Variants in BBS9 observed in about 807,000 individuals in gnomAD.
The protein encoded by BBS9 is protein PTHB1.
A neutral mutation model predicts 117.7 loss-of-function variants in BBS9; 89 were observed. The ratio of observed to expected loss-of-function variants is 0.76; its 90% confidence interval spans 0.64 to 0.90. The LOEUF (loss-of-function observed/expected upper bound fraction) is 0.90. Ranked by LOEUF, BBS9 falls within the 40% of genes least tolerant of loss-of-function variation. BBS9 has a pLI of 0.00. For missense variants in BBS9, 982 were observed against 1,042.2 expected (o/e 0.94, Z 0.80); for synonymous variants, 379 against 370.9 (o/e 1.02, Z -0.25).
intron 5 of BBS9, among the ~76,000 whole-genome samples, chr7:33,247,023 A>C (rs368538800): frequency 6.6e-6 from 1 of 152,134 alleles, no homozygotes; most frequent in East Asian, 1.9e-4. Flanking sequence ...TATTTTTTAA[A>C]GTCTTAAAAC....
chr7:33,173,642 A>G (rs556817347), intron 4 of BBS9, among the ~76,000 whole-genome samples: 4 of 152,088 alleles, frequency 2.6e-5, no homozygotes, highest in Non-Finnish European at 4.4e-5. Flanking sequence ...AGATGAGACT[A>G]TTTGGGGAGC....
At chr7:33,367,964 T>C (rs905949220) in intron 17 of BBS9, 102 bp downstream of exon 17, 1 of 941,372 alleles carries the variant, frequency 1.1e-6, no homozygotes, top group African/African-American at 1.6e-5. Flanking sequence ...GTGATGTTCA[T>C]TTAGATTTCA....
At chr7:33,248,091 A>G (rs1236783642) in intron 5 of BBS9, among the ~76,000 whole-genome samples, 3 of 152,216 alleles carry the variant, frequency 2.0e-5, no homozygotes, top group African/African-American at 7.2e-5. Context: ...TCATAGGAGA[A>G]GTTAATATGT....
At chr7:33,322,268 G>GT (rs1562994270) in intron 9 of BBS9, among the ~76,000 whole-genome samples, 1 of 144,106 alleles carries the variant, frequency 6.9e-6, no homozygotes, top group African/African-American at 2.5e-5. Flanking sequence ...CTCCCTCTCT[G>GT]TTTTTTTGTA....
intron 19 of BBS9, among the ~76,000 whole-genome samples, chr7:33,460,591 T>C (rs1839322632): frequency 6.6e-6 from 1 of 152,028 alleles, no homozygotes; most frequent in African/African-American, 2.4e-5. Flanking sequence ...TTCAAGGTAT[T>C]CTTAATTTTT....
intron 14 of BBS9, 33 bp from the exon 15 acceptor site, chr7:33,352,826 C>A (rs758069038): frequency 6.2e-7 from 1 of 1,609,494 alleles, no homozygotes; most frequent in South Asian, 1.1e-5. Context: ...TTCTTTTCCC[C>A]CTACCCATTT....
At chr7:33,565,789 A>G (rs1222128908) in intron 21 of BBS9, among the ~76,000 whole-genome samples, 370 of 30,356 alleles carry the variant, frequency 0.012, 5 homozygotes, top group African/African-American at 0.079. Context: ...TAGTATATAT[A>G]TATATATATA....
Position 33,490,620 on chromosome 7 carries a change from T to A in BBS9, c.2116-14843T>A, listed in dbSNP as rs185871960. ...CAGTTGCTCATTGAGCCAAATTTCT[T>A]CCTCCATTAAGGTTCATGCAGCACC... is the stretch of plus-strand genomic sequence containing the variant. On this transcript the variant is annotated intron_variant, in intron 19 of 22. Transcript: ENST00000242067. Among the ~76,000 whole-genome samples, 380 of 152,320 alleles carry A rather than the reference T, an allele frequency of 2.5e-3. 5 individuals are homozygous for A. The South Asian group carries it at 0.035, about 14-fold the overall frequency.
chr7:33,467,406 C>A (rs1004244423), intron 19 of BBS9, among the ~76,000 whole-genome samples: 2 of 152,082 alleles, frequency 1.3e-5, no homozygotes, highest in African/African-American at 4.8e-5. Context: ...TGAGGCTAGA[C>A]AAGATTTAAC....
chr7:33,506,658 AC>A (rs555167407), intron 20 of BBS9, among the ~76,000 whole-genome samples: 44 of 152,228 alleles, frequency 2.9e-4, no homozygotes, highest in Admixed American at 5.9e-4. Context: ...AATTTTGAAA[AC>A]CACAGTTTTA....
intron 9 of BBS9, among the ~76,000 whole-genome samples, chr7:33,294,568 C>A (rs1804874799): frequency 6.6e-6 from 1 of 152,126 alleles, no homozygotes. Flanking sequence ...AATGTAGTGA[C>A]CCTTTTAGCT....
intron 21 of BBS9, among the ~76,000 whole-genome samples, chr7:33,574,238 T>G (rs1858333803): frequency 6.6e-6 from 1 of 152,294 alleles, no homozygotes; most frequent in East Asian, 1.9e-4. Flanking sequence ...TAACTTATTT[T>G]GATTTTAACT....
chr7:33,323,293 T>C (rs893775537), intron 9 of BBS9, among the ~76,000 whole-genome samples: 11 of 152,282 alleles, frequency 7.2e-5, no homozygotes, highest in Non-Finnish European at 1.5e-4. Flanking sequence ...TTGTTTATTT[T>C]GTGTCTGAAA....
At chr7:33,470,437 T>G (rs6972316) in intron 19 of BBS9, among the ~76,000 whole-genome samples, 117,764 of 151,512 alleles carry the variant, frequency 0.78, 46,587 homozygotes, top group African/African-American at 0.93. Flanking sequence ...CTCTCCCTAA[T>G]CTTCTAACGT....
intron 9 of BBS9, among the ~76,000 whole-genome samples, chr7:33,301,036 A>G (rs1048674440): frequency 6.6e-6 from 1 of 152,070 alleles, no homozygotes; most frequent in East Asian, 1.9e-4. Context: ...GAAGTTAGCT[A>G]TATTATTATA....
At position 33,605,457 on chromosome 7, in the gene BBS9, G is replaced by A. The variant is rs967700355; in HGVS notation, c.*231G>A. 1.9e-5 allele frequency: 11 copies of A among 584,428 alleles called. No homozygotes were observed. Among genetic ancestry groups the A allele is most frequent in the African/African-American group, 1.9e-4 (10 of 53,526 alleles). The allele number at this position is 584,428 out of a possible 1,614,324, so 36.2% of individuals were successfully genotyped here. A position where few individuals can be genotyped will look rare whatever the true frequency, so the allele number is the denominator to read the frequency against. ...TCTTGTTTTGCCAGGAAAGGAAGTA[G>A]TTGCCTTTGGTCATCCATCTGCTAA... On this transcript the variant is annotated 3_prime_UTR_variant, in exon 23 of 23. Coordinates refer to ENST00000242067, the MANE Select transcript of BBS9 (RefSeq NM_198428.3).
At chr7:33,584,162 A>T (rs1860489781) in intron 21 of BBS9, among the ~76,000 whole-genome samples, 1 of 151,970 alleles carries the variant, frequency 6.6e-6, no homozygotes, top group South Asian at 2.1e-4. Context: ...ATATTTTTAT[A>T]CTTATATTTT....
intron 5 of BBS9, among the ~76,000 whole-genome samples, chr7:33,196,907 T>TG (rs1422739957): frequency 6.6e-6 from 1 of 152,178 alleles, no homozygotes; most frequent in Non-Finnish European, 1.5e-5. Flanking sequence ...CCTTAGTTCC[T>TG]GGGGGAAGGT....
chr7:33,212,205 G>A (rs368063237), intron 5 of BBS9, among the ~76,000 whole-genome samples: 2 of 152,228 alleles, frequency 1.3e-5, no homozygotes, highest in East Asian at 3.9e-4. Flanking sequence ...ATACCTCTTA[G>A]ATTTGCCCCT....
Sources: allele counts gnomAD v4.1 joint callset (sites outside exome capture counted in the v4.1 genomes callset), GRCh38; gene constraint gnomAD v4.1.1; transcripts MANE v1.5; gene names NCBI Gene and HGNC (gene_info 2026-07-23, HGNC 2026-07-21).